The following MRPS9 variants were observed in gnomAD, a reference collection of about 807,000 sequenced individuals.
MRPS9 encodes mitochondrial ribosomal protein S9, also known as small ribosomal subunit protein uS9m.
Under a neutral mutation model 59.9 loss-of-function variants are expected in MRPS9, and 45 were observed. That is an observed-to-expected ratio of 0.75 (90% CI 0.59 to 0.96). The LOEUF (loss-of-function observed/expected upper bound fraction) is 0.96, where lower values mean the gene tolerates loss of function less well. Ranked by LOEUF, MRPS9 falls within the 40% of genes least tolerant of loss-of-function variation. The pLI, the probability that MRPS9 is intolerant of heterozygous loss-of-function variation, is 0.00. For synonymous variants in MRPS9, 171 were observed against 166.8 expected, an observed-to-expected ratio of 1.03 and a Z score of -0.19; for missense variants, 473 against 481.1, an observed-to-expected ratio of 0.98 and a Z score of 0.16.
chr2:105,078,219 T>A (rs898126784), intron 4 of MRPS9, among the ~76,000 whole-genome samples: 1 of 150,316 alleles, frequency 6.7e-6, no homozygotes, highest in Non-Finnish European at 1.5e-5. Context: ...ATGATACATA[T>A]CATGGTTTGA....
intron 1 of MRPS9, among the ~76,000 whole-genome samples, chr2:105,045,958 C>T (rs1020097663): frequency 3.3e-5 from 5 of 152,078 alleles, no homozygotes; most frequent in East Asian, 1.9e-4. Context: ...TCCGGCTCCC[C>T]GGTTCAAGCG....
intron 5 of MRPS9, among the ~76,000 whole-genome samples, chr2:105,084,247 A>AT (rs1680403807): frequency 2.7e-4 from 37 of 139,594 alleles, no homozygotes; most frequent in African/African-American, 7.6e-4. Context: ...TATATACCAA[A>AT]ATATATATAT....
At chr2:105,047,060 C>G (rs1438042260) in intron 1 of MRPS9, among the ~76,000 whole-genome samples, 1 of 151,924 alleles carries the variant, frequency 6.6e-6, no homozygotes, top group Non-Finnish European at 1.5e-5. Flanking sequence ...GGAGTTGGTG[C>G]TGGTGGCGCT....
chr2:105,079,261 G>A (rs1027745590), intron 4 of MRPS9, among the ~76,000 whole-genome samples: 6 of 152,064 alleles, frequency 3.9e-5, no homozygotes, highest in African/African-American at 1.4e-4. Context: ...AGTATAATCT[G>A]CTTCAGAGAA....
chr2:105,045,387 A>C (rs1310599353), intron 1 of MRPS9, among the ~76,000 whole-genome samples: 2 of 151,632 alleles, frequency 1.3e-5, no homozygotes, highest in African/African-American at 4.8e-5. Context: ...GGAAGGAAGC[A>C]TTAAAAAATG....
chr2:105,089,893 AAG>A lies in MRPS9; in HGVS notation c.576-23_576-22del, dbSNP rs778474108. 3.2e-4 allele frequency: 476 copies of A among 1,501,740 alleles called. 2 individuals carry two copies. In the Middle Eastern group the frequency reaches 4.4e-3, roughly 14 times the overall value. The allele number at this position is 1,501,740 out of a possible 1,614,324, so 93.0% of individuals were successfully genotyped here. ...AACTCTAATTGCATGGCTAATTAAA[AAG>A]AGAATATATGTGATATTTTAACAGA... On this transcript the variant is annotated intron_variant, in intron 6 of 10. Coordinates refer to ENST00000258455, the MANE Select transcript of MRPS9 (RefSeq NM_182640.3).
At chr2:105,038,285 G>A (rs1350293869) in intron 1 of MRPS9, 58 bp downstream of exon 1, 2 of 1,571,614 alleles carry the variant, frequency 1.3e-6, no homozygotes, top group Middle Eastern at 1.8e-4. Flanking sequence ...TGTGGAGCCA[G>A]CGCGGACACC....
chr2:105,056,212 A>C (rs1424551149), intron 2 of MRPS9, among the ~76,000 whole-genome samples: 1 of 148,574 alleles, frequency 6.7e-6, no homozygotes, highest in Non-Finnish European at 1.5e-5. Context: ...TTTTTTTAAC[A>C]ATACTAAGGC....
intron 2 of MRPS9, among the ~76,000 whole-genome samples, chr2:105,066,486 T>C (rs1336195635): frequency 2.0e-5 from 3 of 152,204 alleles, no homozygotes; most frequent in Non-Finnish European, 4.4e-5. Flanking sequence ...ACCAATTAGC[T>C]TCCTCATGAC....
Position 105,097,259 on chromosome 2 carries a change from G to A in MRPS9, c.1034G>A (p.Arg345Gln), listed in dbSNP as rs368226804. 6 of 1,612,962 alleles carry A rather than the reference G, an allele frequency of 3.7e-6. No individual in the cohort carries two copies. The highest frequency in any genetic ancestry group is 4.2e-6 in the Non-Finnish European group (5 of 1,179,640). Residue 345 changes from arginine (R) to glutamine (Q), a missense_variant, in exon 10 of 11, where the codon CGA becomes CAA. Arg to Gln is a conservative substitution (Grantham distance 43). Coordinates refer to ENST00000258455, the MANE Select transcript of MRPS9 (RefSeq NM_182640.3). ...AGGTCAGCGCAGGCTGGAGCAATAC[G>A]ACTGGCAATGGCAAAAGCCTTGTGC... Reference protein sequence around the residue: ...GGRSAQAGAIRLAMAKALCSF... With the variant: ...GGRSAQAGAIQLAMAKALCSF...
chr2:105,084,655 C>T (rs921360044), intron 5 of MRPS9, among the ~76,000 whole-genome samples: 4 of 152,108 alleles, frequency 2.6e-5, no homozygotes, highest in African/African-American at 7.2e-5. Flanking sequence ...AGTGAGGTGT[C>T]GTGAAATAAC....
chr2:105,094,097 C>G (rs929915995), intron 9 of MRPS9, among the ~76,000 whole-genome samples: 29 of 151,866 alleles, frequency 1.9e-4, no homozygotes, highest in African/African-American at 7.0e-4. Flanking sequence ...GTATGTTTTT[C>G]TGATCATAAA....
intron 4 of MRPS9, among the ~76,000 whole-genome samples, chr2:105,071,813 A>G (rs1405259877): frequency 6.6e-6 from 1 of 152,186 alleles, no homozygotes; most frequent in Non-Finnish European, 1.5e-5. Flanking sequence ...TGAAAATTTA[A>G]AACTTTTCTT....
intron 8 of MRPS9, among the ~76,000 whole-genome samples, chr2:105,093,314 A>G (rs965797372): frequency 2.0e-5 from 3 of 152,184 alleles, no homozygotes; most frequent in African/African-American, 7.2e-5. Flanking sequence ...CTAAAATGGA[A>G]TTGAAGAACA....
intron 5 of MRPS9, 50 bp downstream of exon 5, chr2:105,080,112 C>T (rs1285604961): frequency 7.7e-7 from 1 of 1,300,158 alleles, no homozygotes; most frequent in African/African-American, 1.5e-5. Flanking sequence ...AGCTACAAAA[C>T]TAATTATACT....
At chr2:105,084,477 C>T (rs1426131316) in intron 5 of MRPS9, among the ~76,000 whole-genome samples, 2 of 152,066 alleles carry the variant, frequency 1.3e-5, no homozygotes, top group Non-Finnish European at 1.5e-5. Flanking sequence ...TGTGCTGCTT[C>T]ATTATGTGAA....
chr2:105,081,256 G>A (rs1680334860), intron 5 of MRPS9, among the ~76,000 whole-genome samples: 1 of 152,238 alleles, frequency 6.6e-6, no homozygotes, highest in Admixed American at 6.5e-5. Context: ...GGGATGCAAT[G>A]CTGCGTTTTA....
intron 1 of MRPS9, among the ~76,000 whole-genome samples, chr2:105,043,428 TG>T (rs1029222513): frequency 1.3e-5 from 2 of 152,124 alleles, no homozygotes; most frequent in Non-Finnish European, 2.9e-5. Flanking sequence ...CCGAATAATC[TG>T]GGGCACCTGA....
intron 5 of MRPS9, among the ~76,000 whole-genome samples, chr2:105,082,399 C>G (rs1444681396): frequency 1.3e-5 from 2 of 152,112 alleles, no homozygotes; most frequent in Admixed American, 6.6e-5. Context: ...GTGAGGAGAC[C>G]CTTCTGATGC....
Sources: gnomAD v4.1 joint callset for allele counts (sites outside exome capture counted in the v4.1 genomes callset) on GRCh38, gnomAD v4.1.1 for gene constraint, MANE v1.5 for transcripts, NCBI Gene and HGNC (gene_info 2026-07-23, HGNC 2026-07-21) for gene names.